Variants in SNAP47 observed in about 807,000 individuals in gnomAD.
SNAP47 encodes the protein synaptosomal-associated protein 47.
SNAP47 carries 20 observed loss-of-function variants against 31.4 expected under a neutral mutation model. That is an observed-to-expected ratio of 0.64 (90% CI 0.45 to 0.93). The LOEUF (loss-of-function observed/expected upper bound fraction) is 0.93. SNAP47 is among the 40% of genes least tolerant of loss of function. The probability of loss-of-function intolerance (pLI) is 0.00; values close to 1 mark genes in which losing one functional copy is unlikely to be tolerated. For missense variants in SNAP47, 492 were observed against 528.5 expected, an observed-to-expected ratio of 0.93 and a Z score of 0.68; for synonymous variants, 194 against 213.4, an observed-to-expected ratio of 0.91 and a Z score of 0.79.
intron 2 of SNAP47, among the ~76,000 whole-genome samples, chr1:227,751,970 T>G (rs2102932339): frequency 6.6e-6 from 1 of 152,174 alleles, no homozygotes; most frequent in Non-Finnish European, 1.5e-5. Flanking sequence ...TTTCACCGTG[T>G]TAACCAGGAT....
rs199662703 is a variant in SNAP47, at chr1:227,759,285, C to T, written c.788C>T (p.Pro263Leu). The part of the protein sequence containing the change: ...EDVDDIKVHS[P>L]YEISIRQRFI... ...GTGGACGACATCAAGGTCCACTCAC[C>T]TTACGAAATTAGCATCCGCCAGCGG... The change falls in exon 3 of 5, where the codon CCT becomes CTT. Residue 263 changes from proline to leucine, a missense_variant. Pro to Leu is a moderately conservative substitution (Grantham distance 98). Coordinates refer to ENST00000617596, the MANE Select transcript of SNAP47 (RefSeq NM_053052.4). The T allele has an allele frequency of 3.7e-5, 59 of 1,614,112 alleles. No homozygotes were observed. The highest frequency in any genetic ancestry group is 4.3e-5 in the Non-Finnish European group (51 of 1,180,054).
chr1:227,748,956 G>A (rs1385417309), intron 2 of SNAP47, among the ~76,000 whole-genome samples: 1 of 152,084 alleles, frequency 6.6e-6, no homozygotes, highest in East Asian at 1.9e-4. Flanking sequence ...TTCTGTTTGG[G>A]TACTCCTTTC....
chr1:227,769,678 G>A (rs1333480647), intron 4 of SNAP47, among the ~76,000 whole-genome samples: 1 of 152,100 alleles, frequency 6.6e-6, no homozygotes, highest in Non-Finnish European at 1.5e-5. Flanking sequence ...TCTGTCTCTG[G>A]GGCCCTGGCC....
At chr1:227,732,671 G>T (rs909307239), upstream of SNAP47, 1 of 1,612,540 alleles carries the variant, frequency 6.2e-7, no homozygotes, top group African/African-American at 1.3e-5. Context: ...AGGACCTCAT[G>T]ATGACCTGGG....
intron 1 of SNAP47, among the ~76,000 whole-genome samples, chr1:227,745,578 T>G (rs1165095243): frequency 1.3e-5 from 2 of 152,090 alleles, no homozygotes; most frequent in African/African-American, 2.4e-5. Flanking sequence ...GCTACATGGG[T>G]CTGAGACGGC....
intron 2 of SNAP47, among the ~76,000 whole-genome samples, chr1:227,750,187 C>T (rs777511569): frequency 5.9e-5 from 9 of 152,230 alleles, no homozygotes; most frequent in Non-Finnish European, 1.0e-4. Context: ...ACAGAGCCCC[C>T]GACAATCCCA....
chr1:227,755,291 A>G (rs1241709296), intron 2 of SNAP47, among the ~76,000 whole-genome samples: 1 of 151,668 alleles, frequency 6.6e-6, no homozygotes, highest in Non-Finnish European at 1.5e-5. Flanking sequence ...CCAGCCTCCA[A>G]CTCCTGGGCT....
intron 2 of SNAP47, among the ~76,000 whole-genome samples, chr1:227,754,975 A>G (rs1662605103): frequency 6.6e-6 from 1 of 152,144 alleles, no homozygotes; most frequent in Non-Finnish European, 1.5e-5. Flanking sequence ...AATGGATCCC[A>G]TCTTGGCCAA....
chr1:227,733,826 C>T, upstream of SNAP47: 2 of 1,594,022 alleles, frequency 1.3e-6, no homozygotes, highest in Non-Finnish European at 8.5e-7. Flanking sequence ...GCCAAGCAGC[C>T]CCCCTCCTGC....
At chr1:227,780,388 G>T in intron 4 of SNAP47, 139 bp from the exon 5 acceptor site, 1 of 1,246,208 alleles carries the variant, frequency 8.0e-7, no homozygotes, top group South Asian at 1.5e-5. Flanking sequence ...TGGGCTGCCG[G>T]CTCCCTCCTG....
intron 4 of SNAP47, chr1:227,768,446 G>A: frequency 2.3e-6 from 1 of 437,430 alleles, no homozygotes; most frequent in Non-Finnish European, 3.0e-6. Flanking sequence ...CCACCAGGAG[G>A]TGGATAAAGA....
At chr1:227,733,820 A>G (rs559505905), upstream of SNAP47, 70 of 1,591,446 alleles carry the variant, frequency 4.4e-5, no homozygotes, top group African/African-American at 8.2e-4. Flanking sequence ...GCCTGTGCCA[A>G]GCAGCCCCCC....
intron 4 of SNAP47, 129 bp from the exon 5 acceptor site, chr1:227,780,398 G>C (rs1411077947): frequency 7.4e-7 from 1 of 1,354,402 alleles, no homozygotes; most frequent in Non-Finnish European, 1.0e-6. Flanking sequence ...GCTCCCTCCT[G>C]CTGGCTCGCA....
At chr1:227,732,119 G>A (rs548905685), upstream of SNAP47, 719 of 553,020 alleles carry the variant, frequency 1.3e-3, 1 homozygote, top group Non-Finnish European at 2.1e-3. Context: ...GGCCTAAGGA[G>A]GCAGGGCCCC....
intron 2 of SNAP47, among the ~76,000 whole-genome samples, chr1:227,750,848 C>T (rs192669401): frequency 1.1e-3 from 161 of 152,314 alleles, no homozygotes; most frequent in Non-Finnish European, 1.2e-3. Flanking sequence ...TGTGCCCAGC[C>T]GAGTTTCTGT....
chr1:227,775,074 G>T (rs965893586), intron 4 of SNAP47, among the ~76,000 whole-genome samples: 4 of 152,202 alleles, frequency 2.6e-5, no homozygotes, highest in African/African-American at 9.6e-5. Context: ...GAGGAGGGGG[G>T]CCCTGCATCT....
chr1:227,779,791 A>G (rs535596457), intron 4 of SNAP47, among the ~76,000 whole-genome samples: 10 of 152,210 alleles, frequency 6.6e-5, no homozygotes, highest in African/African-American at 2.4e-4. Flanking sequence ...CCCTTAGCTC[A>G]TCGCCCCTGC....
chr1:227,740,554 CAT>C (rs1314912628), intron 1 of SNAP47, among the ~76,000 whole-genome samples: 1 of 152,104 alleles, frequency 6.6e-6, no homozygotes, highest in African/African-American at 2.4e-5. Context: ...AGGGGGCACA[CAT>C]ATAATGGAAA....
intron 2 of SNAP47, among the ~76,000 whole-genome samples, chr1:227,756,380 T>C (rs1662693362): frequency 6.6e-6 from 1 of 152,252 alleles, no homozygotes; most frequent in South Asian, 2.1e-4. Context: ...AGTTTTGAGA[T>C]TCCTAGGTAT....
Sources: gnomAD v4.1 joint callset for allele counts (sites outside exome capture counted in the v4.1 genomes callset) on GRCh38, gnomAD v4.1.1 for gene constraint, MANE v1.5 for transcripts, NCBI Gene and HGNC (gene_info 2026-07-23, HGNC 2026-07-21) for gene names.